TNFRSF21: variants seen among roughly 807,000 people sequenced by gnomAD.
TNFRSF21 encodes the protein TNF receptor superfamily member 21, also known as tumor necrosis factor receptor superfamily member 21.
TNFRSF21 carries 19 observed loss-of-function variants against 45.6 expected under a neutral mutation model. That is an observed-to-expected ratio of 0.42 (90% CI 0.29 to 0.61). The LOEUF is 0.61. Among genes scored for constraint, TNFRSF21 ranks in the 20% least tolerant of loss-of-function variants. The pLI, the probability that TNFRSF21 is intolerant of heterozygous loss-of-function variation, is 0.23. For synonymous variants in TNFRSF21, 314 were observed against 335.5 expected (o/e 0.94, Z 0.70); for missense variants, 737 against 851.5 (o/e 0.87, Z 1.67).
chr6:47,307,068 T>A (rs1194139018), intron 1 of TNFRSF21, among the ~76,000 whole-genome samples: 2 of 152,170 alleles, frequency 1.3e-5, no homozygotes, highest in East Asian at 3.9e-4. Flanking sequence ...AATAAGAATG[T>A]GAAAGACAAA....
chr6:47,249,494 C>T (rs1258264956), intron 4 of TNFRSF21, among the ~76,000 whole-genome samples: 1 of 152,072 alleles, frequency 6.6e-6, no homozygotes, highest in African/African-American at 2.4e-5. Context: ...GAGTTTACTG[C>T]TGGAAACCTA....
At chr6:47,261,362 T>G (rs1208977532) in intron 3 of TNFRSF21, among the ~76,000 whole-genome samples, 1 of 152,212 alleles carries the variant, frequency 6.6e-6, no homozygotes, top group Non-Finnish European at 1.5e-5. Context: ...CCAGCACCTG[T>G]CAGAGGAATA....
chr6:47,298,367 C>T (rs1457592258), intron 1 of TNFRSF21, among the ~76,000 whole-genome samples: 2 of 150,978 alleles, frequency 1.3e-5, no homozygotes, highest in African/African-American at 4.9e-5. Context: ...GAGGATCACT[C>T]GAGCCCAGGA....
At chr6:47,275,812 T>C (rs1470528194) in intron 3 of TNFRSF21, among the ~76,000 whole-genome samples, 1 of 152,160 alleles carries the variant, frequency 6.6e-6, no homozygotes, top group Non-Finnish European at 1.5e-5. Context: ...AGCTCTTTCA[T>C]GTTGCAGTGA....
chr6:47,308,235 A>C (rs1485556385), intron 1 of TNFRSF21, among the ~76,000 whole-genome samples: 1 of 152,230 alleles, frequency 6.6e-6, no homozygotes, highest in African/African-American at 2.4e-5. Context: ...CTGTAGGATG[A>C]ATTCCCAGGC....
rs569187703 is a variant in TNFRSF21 at position 47,233,111 on chromosome 6, T to C, written c.1739-117A>G. On this transcript the variant is annotated intron_variant, in intron 5 of 5. Transcript: ENST00000296861. The stretch of plus-strand genomic sequence containing the variant: ...ATCTATGTCCCCCCCAGCCTATTAT[T>C]CTCCATCCTCCATTACAGTGAGAGA... 4 of 841,738 alleles carry C rather than the reference T, an allele frequency of 4.8e-6. No individual in the cohort carries two copies. In the African/African-American group the frequency reaches 6.8e-5, roughly 14 times the overall value. 52.1% of individuals were successfully genotyped at this position (841,738 alleles called of 1,614,324 possible).
intron 1 of TNFRSF21, among the ~76,000 whole-genome samples, chr6:47,300,007 A>G (rs1394947233): frequency 1.3e-5 from 2 of 152,246 alleles, no homozygotes; most frequent in Admixed American, 6.5e-5. Context: ...AAAAAGAGCA[A>G]TTGGTTTATA....
chr6:47,232,429 G>A lies in TNFRSF21; in HGVS notation c.*336C>T, dbSNP rs1314682789. On this transcript the variant is annotated 3_prime_UTR_variant, in exon 6 of 6. Transcript: ENST00000296861. ...ATGGTAAGTTAAGTAAATTTAAAGT[G>A]CACAGAATAATCTTGAAAATACATA... is the stretch of plus-strand genomic sequence containing the variant. 4.2e-6 allele frequency: 1 copy of A among 237,766 alleles called. No individual in the cohort carries two copies. Among genetic ancestry groups the A allele is most frequent in the Non-Finnish European group, 8.2e-6 (1 of 122,150 alleles). The allele number at this position is 237,766 out of a possible 1,614,324, so 14.7% of individuals were successfully genotyped here. A position where few individuals can be genotyped will look rare whatever the true frequency, so the allele number is the denominator to read the frequency against.
At chr6:47,260,107 T>C (rs1018393367) in intron 3 of TNFRSF21, among the ~76,000 whole-genome samples, 5 of 152,136 alleles carry the variant, frequency 3.3e-5, no homozygotes, top group East Asian at 1.9e-4. Context: ...ACAAGTGTCA[T>C]TGGGCCAATG....
At chr6:47,256,437 T>G (rs562993838) in intron 3 of TNFRSF21, among the ~76,000 whole-genome samples, 1 of 152,162 alleles carries the variant, frequency 6.6e-6, no homozygotes, top group African/African-American at 2.4e-5. Flanking sequence ...GGTGGGAGGA[T>G]TGCTTGAGCC....
rs373712757 is a variant in TNFRSF21 at position 47,262,183 on chromosome 6, G to C, written c.1244-8662C>G. Among the ~76,000 whole-genome samples, 30 of 152,300 alleles carry C rather than the reference G, an allele frequency of 2.0e-4. No homozygotes were observed. The East Asian group carries it at 5.8e-3, about 29-fold the overall frequency. ...AAACACCGTGCAAAGATCTCTTGAAGTAAATGGACAACATGTTTTCCAACG... is the reference window on the plus strand; with the variant it reads ...AAACACCGTGCAAAGATCTCTTGAACTAAATGGACAACATGTTTTCCAACG... On this transcript the variant is annotated intron_variant, in intron 3 of 5. Coordinates refer to ENST00000296861, the MANE Select transcript of TNFRSF21 (RefSeq NM_014452.5).
intron 3 of TNFRSF21, among the ~76,000 whole-genome samples, chr6:47,273,720 T>G (rs1762459001): frequency 6.6e-6 from 1 of 152,158 alleles, no homozygotes; most frequent in East Asian, 1.9e-4. Context: ...GGAAGTCAAA[T>G]TGTCCCTGTT....
chr6:47,232,215 T>A lies in TNFRSF21; in HGVS notation c.*550A>T, dbSNP rs1479499957. On this transcript the variant is annotated 3_prime_UTR_variant, in exon 6 of 6. Coordinates refer to ENST00000296861, the MANE Select transcript of TNFRSF21 (RefSeq NM_014452.5). ...ACAGTAACTCAATGGGGTCTTAAAT[T>A]TTCTTAATCTTTAAGAAAATTTATA... 6.5e-6 allele frequency: 1 copy of A among 152,818 alleles called. No homozygotes were observed. The highest frequency in any genetic ancestry group is 2.4e-5 in the African/African-American group (1 of 41,444). The allele number at this position is 152,818 out of a possible 1,614,324, so 9.5% of individuals were successfully genotyped here. A position where few individuals can be genotyped will look rare whatever the true frequency, so the allele number is the denominator to read the frequency against.
chr6:47,245,846 G>A (rs1188141264), intron 4 of TNFRSF21, among the ~76,000 whole-genome samples: 2 of 152,328 alleles, frequency 1.3e-5, no homozygotes, highest in East Asian at 3.9e-4. Context: ...TAGGAAGCAT[G>A]ACTGGGGAGG....
intron 4 of TNFRSF21, among the ~76,000 whole-genome samples, chr6:47,248,277 A>C (rs926849232): frequency 6.6e-6 from 1 of 152,176 alleles, no homozygotes; most frequent in African/African-American, 2.4e-5. Context: ...GATTATCAAA[A>C]TTAATTTTGA....
At chr6:47,288,156 T>C (rs568491562) in intron 1 of TNFRSF21, among the ~76,000 whole-genome samples, 2 of 152,394 alleles carry the variant, frequency 1.3e-5, no homozygotes, top group South Asian at 4.1e-4. Context: ...CAGCACACGT[T>C]TGTTGGCAGA....
chr6:47,291,900 G>A (rs1159210210), intron 1 of TNFRSF21, among the ~76,000 whole-genome samples: 1 of 152,194 alleles, frequency 6.6e-6, no homozygotes, highest in Non-Finnish European at 1.5e-5. Context: ...GGAAGAGTTG[G>A]CAACATCCCT....
chr6:47,299,394 T>C (rs1762836168), intron 1 of TNFRSF21, among the ~76,000 whole-genome samples: 3 of 151,952 alleles, frequency 2.0e-5, no homozygotes. Context: ...CTCAGGAGGC[T>C]GAGGGAGGAA....
chr6:47,307,808 T>A (rs1318392418), intron 1 of TNFRSF21, among the ~76,000 whole-genome samples: 1 of 152,218 alleles, frequency 6.6e-6, no homozygotes, highest in Non-Finnish European at 1.5e-5. Flanking sequence ...CACAATGACT[T>A]AAGATTTAAT....
Sources: allele counts gnomAD v4.1 joint callset (sites outside exome capture counted in the v4.1 genomes callset), GRCh38; gene constraint gnomAD v4.1.1; transcripts MANE v1.5; gene names NCBI Gene and HGNC (gene_info 2026-07-23, HGNC 2026-07-21).